Variants in MIPOL1 observed in about 807,000 individuals in gnomAD.
MIPOL1 encodes mirror-image polydactyly 1.
A neutral mutation model predicts 60.9 loss-of-function variants in MIPOL1; 57 were observed. The ratio of observed to expected loss-of-function variants is 0.94; its 90% CI spans 0.76 to 1.17. MIPOL1 has a LOEUF of 1.17. MIPOL1 is among the 50% of genes most tolerant of loss of function. The pLI, the probability that MIPOL1 is intolerant of heterozygous loss-of-function variation, is 0.00. For missense variants in MIPOL1, 551 were observed against 511.6 expected (o/e 1.08, Z -0.74); for synonymous variants, 179 against 168.8 (o/e 1.06, Z -0.47).
At chr14:37,230,780 G>A (rs548565060) in intron 1 of MIPOL1, among the ~76,000 whole-genome samples, 9 of 152,144 alleles carry the variant, frequency 5.9e-5, no homozygotes, top group Non-Finnish European at 7.4e-5. Context: ...TATTTCTCCA[G>A]TAGGTGGCGC....
chr14:37,470,437 G>A lies in MIPOL1; in HGVS notation c.1032-29471G>A, dbSNP rs140051181. Among the ~76,000 whole-genome samples the A allele has an allele frequency of 9.8e-3, 1,489 of 151,994 alleles. 27 individuals are homozygous for A. Among genetic ancestry groups the A allele is most frequent in the African/African-American group, 0.034 (1,401 of 41,478 alleles). On this transcript the variant is annotated intron_variant, in intron 11 of 12. Transcript: ENST00000684589. ...GACGGATTTCCCCCTTGCTGTTCTCGTAATAGTGAGTTCTCATGACACCTG... is the reference window on the plus strand; with the variant it reads ...GACGGATTTCCCCCTTGCTGTTCTCATAATAGTGAGTTCTCATGACACCTG...
chr14:37,530,835 T>TTC (rs2095474464), intron 12 of MIPOL1, among the ~76,000 whole-genome samples: 1 of 151,336 alleles, frequency 6.6e-6, no homozygotes, highest in Non-Finnish European at 1.5e-5. Context: ...TTTTTTTTTT[T>TTC]AAGATGGAGT....
chr14:37,263,942 C>T (rs960027480), intron 3 of MIPOL1, among the ~76,000 whole-genome samples: 35 of 152,292 alleles, frequency 2.3e-4, no homozygotes, highest in African/African-American at 7.0e-4. Flanking sequence ...TTTAAATTGA[C>T]TAATATGCAA....
chr14:37,508,644 G>T (rs1338680269), intron 12 of MIPOL1, among the ~76,000 whole-genome samples: 1 of 152,030 alleles, frequency 6.6e-6, no homozygotes, highest in African/African-American at 2.4e-5. Flanking sequence ...ATCTCATAAC[G>T]TTGCCATGAT....
intron 1 of MIPOL1, among the ~76,000 whole-genome samples, chr14:37,232,954 A>G (rs1970860540): frequency 6.6e-6 from 1 of 152,226 alleles, no homozygotes; most frequent in Non-Finnish European, 1.5e-5. Flanking sequence ...AAGTGAGTAT[A>G]TAAGTCTTCT....
intron 12 of MIPOL1, among the ~76,000 whole-genome samples, chr14:37,531,515 C>A (rs893817357): frequency 2.0e-5 from 3 of 151,934 alleles, no homozygotes; most frequent in Admixed American, 2.0e-4. Flanking sequence ...AGCTAATAAG[C>A]AAATATTTAC....
At chr14:37,488,239 G>A (rs2094984708) in intron 11 of MIPOL1, among the ~76,000 whole-genome samples, 1 of 152,056 alleles carries the variant, frequency 6.6e-6, no homozygotes, top group Admixed American at 6.6e-5. Flanking sequence ...TGTTTCACTT[G>A]CAATTATGTG....
At chr14:37,328,317 G>T (rs2089369242) in intron 9 of MIPOL1, among the ~76,000 whole-genome samples, 1 of 152,044 alleles carries the variant, frequency 6.6e-6, no homozygotes, top group Admixed American at 6.6e-5. Flanking sequence ...ACCCGGCCCA[G>T]AAAATTTTCC....
rs1025757842 is a variant in MIPOL1 at position 37,268,946 on chromosome 14, GGTTGA to G, written c.387+157_387+161del. ...TTGCCATACCTTGCCATCAGGGTAT[GGTTGA>G]GTTAAGGGGTTGAAAATGAAAGCAT... On this transcript the variant is annotated intron_variant, in intron 5 of 12. Coordinates refer to ENST00000684589, the MANE Select transcript of MIPOL1 (RefSeq NM_001388067.1). 1.3e-4 allele frequency among the ~76,000 whole-genome samples: 20 copies of G among 152,182 alleles called. 1 individual carries two copies. The highest frequency in any genetic ancestry group is 5.2e-4 in the Admixed American group (8 of 15,280).
At chr14:37,361,776 T>A (rs557077543) in intron 9 of MIPOL1, among the ~76,000 whole-genome samples, 6 of 151,936 alleles carry the variant, frequency 3.9e-5, no homozygotes, top group Non-Finnish European at 8.8e-5. Flanking sequence ...CCCAGCTAAT[T>A]TTTTGTATTT....
chr14:37,459,954 C>T (rs1209324900), intron 11 of MIPOL1, among the ~76,000 whole-genome samples: 1 of 152,046 alleles, frequency 6.6e-6, no homozygotes, highest in African/African-American at 2.4e-5. Flanking sequence ...TGGCAGGTGC[C>T]TGTAACCGCA....
chr14:37,536,346 C>T (rs964824573), intron 12 of MIPOL1, among the ~76,000 whole-genome samples: 2 of 152,066 alleles, frequency 1.3e-5, no homozygotes, highest in South Asian at 2.1e-4. Flanking sequence ...TCCCAGGAGT[C>T]GTTTAAGAGA....
chr14:37,507,703 T>C (rs1000520224), intron 12 of MIPOL1: 27 of 152,138 alleles, frequency 1.8e-4, no homozygotes, highest in Admixed American at 1.6e-3. Context: ...TGTATACCTA[T>C]GTAGCAAACC....
At chr14:37,312,362 T>G (rs1192161814) in intron 9 of MIPOL1, among the ~76,000 whole-genome samples, 1 of 152,112 alleles carries the variant, frequency 6.6e-6, no homozygotes, top group Non-Finnish European at 1.5e-5. Flanking sequence ...CTGCCCACCT[T>G]GGCCTCCCAA....
chr14:37,228,714 A>T (rs1033374889), intron 1 of MIPOL1, among the ~76,000 whole-genome samples: 1 of 152,220 alleles, frequency 6.6e-6, no homozygotes, highest in Admixed American at 6.5e-5. Context: ...AACAATAATT[A>T]AAAAATCAAC....
At chr14:37,447,040 A>T (rs984098777) in intron 11 of MIPOL1, among the ~76,000 whole-genome samples, 1 of 151,950 alleles carries the variant, frequency 6.6e-6, no homozygotes, top group Non-Finnish European at 1.5e-5. Flanking sequence ...TAACCTGCAC[A>T]TTGTGCACAT....
chr14:37,262,685 C>T (rs981292821), intron 3 of MIPOL1, among the ~76,000 whole-genome samples: 5 of 152,086 alleles, frequency 3.3e-5, no homozygotes, highest in African/African-American at 4.8e-5. Flanking sequence ...AAGAGGCAGG[C>T]GATCCATTTA....
chr14:37,328,877 G>A (rs1490372322), intron 9 of MIPOL1, among the ~76,000 whole-genome samples: 1 of 152,184 alleles, frequency 6.6e-6, no homozygotes, highest in African/African-American at 2.4e-5. Context: ...TCAGAGAGAA[G>A]TGTCACTGGA....
At chr14:37,518,716 T>C (rs779208516) in intron 12 of MIPOL1, among the ~76,000 whole-genome samples, 9 of 152,170 alleles carry the variant, frequency 5.9e-5, no homozygotes, top group Non-Finnish European at 1.2e-4. Flanking sequence ...AGCATCCAGA[T>C]TTTAGTTTCT....
Sources: gnomAD v4.1 joint callset for allele counts (sites outside exome capture counted in the v4.1 genomes callset) on GRCh38, gnomAD v4.1.1 for gene constraint, MANE v1.5 for transcripts, NCBI Gene and HGNC (gene_info 2026-07-23, HGNC 2026-07-21) for gene names.